The following UBE2F variants were observed in gnomAD, a reference collection of about 807,000 sequenced individuals.
UBE2F encodes the protein ubiquitin conjugating enzyme E2 F (putative), also known as NEDD8-conjugating enzyme UBE2F.
Under a neutral mutation model 29.6 loss-of-function variants are expected in UBE2F, and 5 were observed. The observed-to-expected ratio is 0.17, with a 90% CI of 0.09 to 0.36. The LOEUF (loss-of-function observed/expected upper bound fraction) is 0.36. Among genes scored for constraint, UBE2F ranks in the 10% least tolerant of loss-of-function variants. The probability of loss-of-function intolerance (pLI) is 1.00; values close to 1 mark genes in which losing one functional copy is unlikely to be tolerated. For missense variants in UBE2F, 141 were observed against 228.5 expected, an observed-to-expected ratio of 0.62 and a Z score of 2.47; for synonymous variants, 66 against 81.8, an observed-to-expected ratio of 0.81 and a Z score of 1.04.
intron 4 of UBE2F, among the ~76,000 whole-genome samples, chr2:237,998,212 T>A (rs1030610796): frequency 3.3e-5 from 5 of 152,250 alleles, no homozygotes; most frequent in Admixed American, 3.3e-4. Flanking sequence ...TAGCTTACAT[T>A]TGGAAAATGT....
intron 4 of UBE2F, among the ~76,000 whole-genome samples, chr2:237,998,526 A>G (rs1309301898): frequency 1.3e-5 from 2 of 151,710 alleles, no homozygotes; most frequent in Admixed American, 1.3e-4. Context: ...GTCATAATTT[A>G]TCTTCCTAGT....
At position 237,982,691 on chromosome 2, in the gene UBE2F, A is replaced by G. The variant is rs2063403907; in HGVS notation, c.119-5272A>G. On this transcript the variant is annotated intron_variant, in intron 2 of 9. Coordinates refer to ENST00000272930, the MANE Select transcript of UBE2F (RefSeq NM_080678.3). This position sits in a 1 kb window ranked among gnomAD's most constrained non-coding sequence, Gnocchi z 4.1. ...CAAAATATAAATAATACAGAATAAA[A>G]TGTTAGTATTTGCTTTAAGATCAAG... Among the ~76,000 whole-genome samples, 1 of 152,212 alleles carries G rather than the reference A, an allele frequency of 6.6e-6. No homozygotes were observed. Among genetic ancestry groups the G allele is most frequent in the African/African-American group, 2.4e-5 (1 of 41,452 alleles).
chr2:237,997,884 G>A (rs774439860), intron 4 of UBE2F, among the ~76,000 whole-genome samples: 10 of 152,138 alleles, frequency 6.6e-5, no homozygotes, highest in Non-Finnish European at 1.3e-4. Context: ...ACATCATCTC[G>A]CAAAACAAGA....
chr2:238,031,663 G>A (rs1309032979), intron 7 of UBE2F, among the ~76,000 whole-genome samples: 1 of 152,232 alleles, frequency 6.6e-6, no homozygotes, highest in Non-Finnish European at 1.5e-5. Context: ...TGGCAGGTCA[G>A]TACAGATAGA....
intron 8 of UBE2F, among the ~76,000 whole-genome samples, chr2:238,033,114 G>T (rs938965155): frequency 6.6e-6 from 1 of 152,202 alleles, no homozygotes. Flanking sequence ...AGGTGTTCTG[G>T]TTGGGGTGGA....
intron 2 of UBE2F, among the ~76,000 whole-genome samples, chr2:237,975,669 C>T (rs58106913): frequency 6.6e-6 from 1 of 152,088 alleles, no homozygotes; most frequent in Non-Finnish European, 1.5e-5. Flanking sequence ...ACAGTGTCCT[C>T]TTTTTCTTTT....
chr2:238,005,660 C>A (rs2326004), intron 4 of UBE2F, among the ~76,000 whole-genome samples: 1 of 151,642 alleles, frequency 6.6e-6, no homozygotes, highest in Non-Finnish European at 1.5e-5. Flanking sequence ...ATTTGTTGAA[C>A]AGGGTTTTCC....
intron 4 of UBE2F, among the ~76,000 whole-genome samples, chr2:238,009,721 C>G (rs569489064): frequency 1.3e-5 from 2 of 152,222 alleles, no homozygotes; most frequent in Non-Finnish European, 2.9e-5. Flanking sequence ...CGCTCACACT[C>G]ACTTCCTCTT....
At chr2:237,999,313 G>T (rs886309262) in intron 4 of UBE2F, among the ~76,000 whole-genome samples, 3 of 152,004 alleles carry the variant, frequency 2.0e-5, no homozygotes, top group African/African-American at 4.8e-5. Flanking sequence ...CAAGTGATCC[G>T]CCCACCCTGG....
chr2:237,999,313 G>A lies in UBE2F; in HGVS notation c.214+4504G>A, dbSNP rs886309262. ...TCAAACTCTTGACCTCAAGTGATCC[G>A]CCCACCCTGGCCTCCCAAAGTGCTG... On this transcript the variant is annotated intron_variant, in intron 4 of 9. Transcript: ENST00000272930. 5.0e-4 allele frequency among the ~76,000 whole-genome samples: 76 copies of A among 152,002 alleles called. 2 individuals are homozygous for A. The highest frequency in any genetic ancestry group is 1.8e-3 in the African/African-American group (76 of 41,362).
In UBE2F at chr2:238,042,042, A is replaced by G. The variant is rs2106423211; in HGVS notation, c.*704A>G. On this transcript the variant is annotated 3_prime_UTR_variant, in exon 10 of 10. Transcript: ENST00000272930. ...AACTATTGAAGAGAAATACAAAGAAAATATGAAAGGCACATTATTCATTTT... is the reference window on the plus strand; with the variant it reads ...AACTATTGAAGAGAAATACAAAGAAGATATGAAAGGCACATTATTCATTTT... 6.5e-6 allele frequency: 1 copy of G among 152,780 alleles called. No individual in the cohort carries two copies. Among genetic ancestry groups the G allele is most frequent in the Middle Eastern group, 3.4e-3 (1 of 294 alleles). The allele number at this position is 152,780 out of a possible 1,614,324, so 9.5% of individuals were successfully genotyped here.
At chr2:238,015,814 T>C (rs1159460498) in intron 4 of UBE2F, among the ~76,000 whole-genome samples, 6 of 152,194 alleles carry the variant, frequency 3.9e-5, no homozygotes, top group South Asian at 2.1e-4. Context: ...TCATTCATGC[T>C]GAAGTGCCCT....
At chr2:238,017,273 G>A (rs1468149576) in intron 5 of UBE2F, among the ~76,000 whole-genome samples, 1 of 152,192 alleles carries the variant, frequency 6.6e-6, no homozygotes, top group Admixed American at 6.5e-5. Context: ...CATCACTTTG[G>A]AAAGTGGTCA....
chr2:237,981,137 G>A (rs891392699), intron 2 of UBE2F, among the ~76,000 whole-genome samples: 21 of 152,200 alleles, frequency 1.4e-4, no homozygotes, highest in Non-Finnish European at 2.2e-4. Context: ...AGTTTTAAAA[G>A]TATCTTCATT....
chr2:238,027,291 T>C (rs2106399848), intron 6 of UBE2F, among the ~76,000 whole-genome samples: 1 of 152,340 alleles, frequency 6.6e-6, no homozygotes, highest in South Asian at 2.1e-4. Context: ...TTACTATTCA[T>C]TATAAAAAAG....
intron 5 of UBE2F, among the ~76,000 whole-genome samples, chr2:238,021,624 A>G (rs527978745): frequency 6.6e-6 from 1 of 152,348 alleles, no homozygotes; most frequent in South Asian, 2.1e-4. Context: ...TATCATTTAA[A>G]CCAGTCCTTT....
chr2:238,030,790 G>A (rs115091740), intron 7 of UBE2F, among the ~76,000 whole-genome samples, 177 bp downstream of exon 7: 7 of 152,130 alleles, frequency 4.6e-5, no homozygotes, highest in Non-Finnish European at 8.8e-5. Context: ...CACTGACCTC[G>A]GTCAGTTTGG....
chr2:238,016,757 C>A, intron 5 of UBE2F, 124 bp downstream of exon 5: 1 of 726,484 alleles, frequency 1.4e-6, no homozygotes, highest in Non-Finnish European at 2.3e-6. Context: ...ACTGAGTACT[C>A]ACTTCAGTAT....
intron 4 of UBE2F, among the ~76,000 whole-genome samples, chr2:238,013,137 G>GCA (rs1249136854): frequency 6.6e-6 from 1 of 152,128 alleles, no homozygotes; most frequent in Non-Finnish European, 1.5e-5. Flanking sequence ...GGGCGTGGTG[G>GCA]CACACACCTG....
Sources: gnomAD v4.1 joint callset for allele counts (sites outside exome capture counted in the v4.1 genomes callset) on GRCh38, gnomAD v4.1.1 for gene constraint, Gnocchi (gnomAD v3.1) non-coding constraint, MANE v1.5 for transcripts, NCBI Gene and HGNC (gene_info 2026-07-23, HGNC 2026-07-21) for gene names.